PCDHA11: variants seen among roughly 807,000 people sequenced by gnomAD.
PCDHA11 encodes the protein protocadherin alpha-11.
A neutral mutation model predicts 70.3 loss-of-function variants in PCDHA11; 61 were observed. The observed-to-expected ratio is 0.87, with a 90% CI of 0.71 to 1.07. The LOEUF (loss-of-function observed/expected upper bound fraction) is 1.07, where lower values mean the gene tolerates loss of function less well. Ranked by LOEUF, PCDHA11 falls within the 50% of genes least tolerant of loss-of-function variation. PCDHA11 has a pLI of 0.00. For synonymous variants in PCDHA11, 633 were observed against 555.1 expected, an observed-to-expected ratio of 1.14 and a Z score of -1.97; for missense variants, 1,324 against 1,237.5, an observed-to-expected ratio of 1.07 and a Z score of -1.05.
intron 3 of PCDHA11, among the ~76,000 whole-genome samples, chr5:140,983,886 T>C (rs1280409622): frequency 1.3e-5 from 2 of 152,206 alleles, no homozygotes; most frequent in Non-Finnish European, 2.9e-5. Flanking sequence ...CTGGCAACTT[T>C]AAGGGCATTC....
intron 1 of PCDHA11, among the ~76,000 whole-genome samples, chr5:140,977,826 T>C (rs1554238818): frequency 1.3e-5 from 2 of 152,208 alleles, no homozygotes; most frequent in Admixed American, 6.5e-5. Flanking sequence ...TTTTGAATGG[T>C]CTATTGATAT....
intron 1 of PCDHA11, chr5:140,926,948 C>A: frequency 1.3e-6 from 2 of 1,589,774 alleles, no homozygotes; most frequent in South Asian, 1.1e-5. Flanking sequence ...GGCGCTGCAG[C>A]GGGACAGCTC....
intron 3 of PCDHA11, 64 bp downstream of exon 3, chr5:140,982,627 T>A: frequency 6.3e-7 from 1 of 1,581,770 alleles, no homozygotes; most frequent in Non-Finnish European, 8.6e-7. Flanking sequence ...GACCTACTTT[T>A]GTAAGATCAG....
At chr5:140,928,381 T>C (rs1554205835) in intron 1 of PCDHA11, 2 of 1,614,054 alleles carry the variant, frequency 1.2e-6, no homozygotes, top group African/African-American at 2.7e-5. Flanking sequence ...AGCCTCTAGC[T>C]TGCTGGCAGT....
intron 2 of PCDHA11, chr5:140,982,212 C>A: frequency 2.1e-6 from 1 of 479,448 alleles, no homozygotes; most frequent in Non-Finnish European, 3.3e-6. Flanking sequence ...GTGAGCGCCA[C>A]ATGGCGTTAA....
chr5:140,877,969 A>G (rs2057419330), intron 1 of PCDHA11: 1 of 1,276,842 alleles, frequency 7.8e-7, no homozygotes, highest in African/African-American at 1.5e-5. Flanking sequence ...TTTCTTGGTC[A>G]TTCTTACTCA....
chr5:140,870,040 A>C lies in PCDHA11; in HGVS notation c.937A>C (p.Lys313Gln). The C allele has an allele frequency of 6.2e-7, 1 of 1,613,768 alleles. No homozygotes were observed. Among genetic ancestry groups the C allele is most frequent in the Non-Finnish European group, 8.5e-7 (1 of 1,179,886 alleles). ...TGGAACTTTAGATTATGAAGAAAAC[A>C]AGTTTTATAAAATTGAAGTACAGGC... ...VNGTLDYEENKFYKIEVQATD... is the reference protein window; with the variant it reads ...VNGTLDYEENQFYKIEVQATD... Residue 313 changes from lysine to glutamine, a missense_variant, in exon 1 of 4, where the codon AAG becomes CAG. Transcript: ENST00000398640.
At chr5:140,969,513 A>G (rs2096339726) in intron 1 of PCDHA11, 1 of 1,417,106 alleles carries the variant, frequency 7.1e-7, no homozygotes, top group Non-Finnish European at 9.4e-7. Context: ...ATAGCACTAA[A>G]GAATTGTTTT....
intron 1 of PCDHA11, chr5:140,966,755 C>G: frequency 2.8e-6 from 4 of 1,434,520 alleles, no homozygotes; most frequent in Non-Finnish European, 1.8e-6. Flanking sequence ...GCCTCCGCCG[C>G]GGCCAGTGGC....
intron 1 of PCDHA11, among the ~76,000 whole-genome samples, chr5:140,910,040 G>C (rs552041915): frequency 1.3e-5 from 2 of 152,276 alleles, no homozygotes; most frequent in South Asian, 4.2e-4. Context: ...AATCCCACTT[G>C]GTCATAATAA....
chr5:140,876,829 C>T (rs782699472), intron 1 of PCDHA11: 2 of 1,614,196 alleles, frequency 1.2e-6, no homozygotes, highest in Non-Finnish European at 1.7e-6. Context: ...CGACAATGCG[C>T]CTGCGTTCGC....
chr5:140,948,558 G>A (rs2094272533), intron 1 of PCDHA11, among the ~76,000 whole-genome samples: 2 of 151,514 alleles, frequency 1.3e-5, no homozygotes, highest in Admixed American at 1.3e-4. Flanking sequence ...ATTTTGTTAA[G>A]TTGTATTTTT....
At chr5:140,965,848 C>T (rs2095941298) in intron 1 of PCDHA11, among the ~76,000 whole-genome samples, 1 of 152,178 alleles carries the variant, frequency 6.6e-6, no homozygotes, top group Non-Finnish European at 1.5e-5. Context: ...TTTGCCAAGG[C>T]ACACACTGAA....
chr5:140,915,006 C>A (rs958050012), intron 1 of PCDHA11, among the ~76,000 whole-genome samples: 2 of 149,102 alleles, frequency 1.3e-5, no homozygotes, highest in African/African-American at 5.0e-5. Flanking sequence ...AGTGCAGTGG[C>A]CTGATCTTGG....
chr5:140,981,232 T>G (rs768766953), intron 2 of PCDHA11, among the ~76,000 whole-genome samples: 32 of 152,216 alleles, frequency 2.1e-4, no homozygotes, highest in Non-Finnish European at 4.3e-4. Context: ...GTAGTCTAAA[T>G]TTTATTTTAG....
chr5:140,950,237 A>C (rs1192417956), intron 1 of PCDHA11, among the ~76,000 whole-genome samples: 1 of 151,954 alleles, frequency 6.6e-6, no homozygotes, highest in African/African-American at 2.4e-5. Context: ...AGTGCCATTA[A>C]TTTGTTCCTA....
At chr5:140,876,456 T>C (rs2056356318) in intron 1 of PCDHA11, 11 of 1,613,932 alleles carry the variant, frequency 6.8e-6, no homozygotes, top group Non-Finnish European at 8.5e-6. Context: ...AAGGGATTCC[T>C]TCCATGGCAG....
intron 1 of PCDHA11, among the ~76,000 whole-genome samples, chr5:140,941,259 T>TTCTTTCTTTC (rs1554214226): frequency 2.6e-4 from 32 of 121,828 alleles, no homozygotes; most frequent in African/African-American, 6.8e-4. Flanking sequence ...TTCTTTCTCT[T>TTCTTTCTTTC]TCTTTCTTTC....
chr5:140,967,548 C>G (rs782750678), intron 1 of PCDHA11: 1 of 1,613,922 alleles, frequency 6.2e-7, no homozygotes, highest in Admixed American at 1.7e-5. Flanking sequence ...GACCAGTCCA[C>G]TTATCGCGTC....
Sources: gnomAD v4.1 joint callset for allele counts (sites outside exome capture counted in the v4.1 genomes callset) on GRCh38, gnomAD v4.1.1 for gene constraint, MANE v1.5 for transcripts, NCBI Gene and HGNC (gene_info 2026-07-23, HGNC 2026-07-21) for gene names.